SLMAP: variants seen among roughly 807,000 people sequenced by gnomAD.
SLMAP encodes sarcolemmal membrane-associated protein.
SLMAP carries 44 observed loss-of-function variants against 128.8 expected under a neutral mutation model. The ratio of observed to expected loss-of-function variants is 0.34; its 90% CI spans 0.27 to 0.44. SLMAP has a LOEUF of 0.44. SLMAP is among the 20% of genes least tolerant of loss of function. The probability of loss-of-function intolerance (pLI) is 1.00; values close to 1 mark genes in which losing one functional copy is unlikely to be tolerated. For missense variants in SLMAP, 787 were observed against 985.3 expected (o/e 0.80, Z 2.69); for synonymous variants, 327 against 348.8 (o/e 0.94, Z 0.70).
intron 15 of SLMAP, among the ~76,000 whole-genome samples, chr3:57,893,536 T>A (rs989501699): frequency 6.6e-6 from 1 of 152,202 alleles, no homozygotes; most frequent in Non-Finnish European, 1.5e-5. Flanking sequence ...TAAGGCAACT[T>A]TACCTTCCCA....
chr3:57,872,415 T>G (rs916388626), intron 14 of SLMAP, among the ~76,000 whole-genome samples: 1 of 152,162 alleles, frequency 6.6e-6, no homozygotes, highest in South Asian at 2.1e-4. Context: ...GGTCAGGAGT[T>G]TGAGACCAGC....
At chr3:57,760,771 A>C (rs2078465891) in intron 2 of SLMAP, among the ~76,000 whole-genome samples, 1 of 151,210 alleles carries the variant, frequency 6.6e-6, no homozygotes, top group African/African-American at 2.4e-5. Flanking sequence ...CTTGTTGCCC[A>C]GGCTGGAGTG....
Position 57,927,443 on chromosome 3 carries a change from A to T in SLMAP, c.*154A>T. 1 of 1,080,310 alleles carries T rather than the reference A, an allele frequency of 9.3e-7. No individual in the cohort carries two copies. Among genetic ancestry groups the T allele is most frequent in the Admixed American group, 2.0e-5 (1 of 50,202 alleles). 66.9% of individuals were successfully genotyped at this position (1,080,310 alleles called of 1,614,324 possible). A position where few individuals can be genotyped will look rare whatever the true frequency, so the allele number is the denominator to read the frequency against. ...CCCTCTAGAAGCTGGCATCACACTC[A>T]TGCTGGGGACAAACAGAACCATTTT... is the stretch of plus-strand genomic sequence containing the variant. On this transcript the variant is annotated 3_prime_UTR_variant, in exon 25 of 25. Coordinates refer to ENST00000671191, the MANE Select transcript of SLMAP (RefSeq NM_001377540.1).
chr3:57,860,850 C>A lies in SLMAP; in HGVS notation c.828+11C>A, dbSNP rs2306056. 280,622 of 1,447,716 alleles carry A rather than the reference C, an allele frequency of 0.19. 19,773 individuals carry two copies. Among genetic ancestry groups the A allele is most frequent in the East Asian group, 0.38 (15,571 of 40,478 alleles). 89.7% of individuals were successfully genotyped at this position (1,447,716 alleles called of 1,614,324 possible). ...CTTTCAGAAGTTGAGGTATTTCAAT[C>A]AAAAAAAAAATACTAAATAGTATTA... On this transcript the variant is annotated intron_variant, in intron 9 of 24. Transcript: ENST00000671191.
intron 2 of SLMAP, among the ~76,000 whole-genome samples, chr3:57,773,404 GT>G (rs2081260457): frequency 6.6e-6 from 1 of 152,154 alleles, no homozygotes; most frequent in African/African-American, 2.4e-5. Context: ...TTAGCCTATG[GT>G]AAAATTGGTA....
chr3:57,872,196 G>C (rs544083245), intron 14 of SLMAP, among the ~76,000 whole-genome samples: 188 of 152,308 alleles, frequency 1.2e-3, no homozygotes, highest in African/African-American at 4.4e-3. Flanking sequence ...CAGCTACGTG[G>C]GAGGCTGAGG....
chr3:57,783,812 G>T (rs973461091), intron 2 of SLMAP, among the ~76,000 whole-genome samples: 1 of 152,176 alleles, frequency 6.6e-6, no homozygotes, highest in African/African-American at 2.4e-5. Flanking sequence ...CCTCTAGGAA[G>T]ACAGAACAAT....
intron 2 of SLMAP, among the ~76,000 whole-genome samples, chr3:57,827,510 G>T (rs1433085382): frequency 6.6e-6 from 1 of 152,208 alleles, no homozygotes; most frequent in Non-Finnish European, 1.5e-5. Context: ...ATGCCTGATT[G>T]TTGGGAACTT....
intron 14 of SLMAP, among the ~76,000 whole-genome samples, chr3:57,881,301 A>G (rs1417506061): frequency 6.6e-6 from 1 of 152,152 alleles, no homozygotes; most frequent in Non-Finnish European, 1.5e-5. Flanking sequence ...TCATGACAGG[A>G]AAATTCTTTC....
chr3:57,907,010 A>C (rs1484704210), intron 17 of SLMAP, among the ~76,000 whole-genome samples: 1 of 151,562 alleles, frequency 6.6e-6, no homozygotes, highest in Non-Finnish European at 1.5e-5. Flanking sequence ...TATTCAGCAG[A>C]TTTTTGTTGT....
At chr3:57,801,974 T>C (rs994238658) in intron 2 of SLMAP, among the ~76,000 whole-genome samples, 1 of 152,206 alleles carries the variant, frequency 6.6e-6, no homozygotes, top group Non-Finnish European at 1.5e-5. Flanking sequence ...TTTTTATATT[T>C]CAAGGTTATT....
intron 3 of SLMAP, among the ~76,000 whole-genome samples, chr3:57,836,301 T>C (rs566523266): frequency 6.6e-6 from 1 of 152,212 alleles, no homozygotes; most frequent in South Asian, 2.1e-4. Context: ...AATCACCCAG[T>C]ATGTAGGACA....
rs75576687 is a variant in SLMAP at position 57,788,612 on chromosome 3, G to A, written c.198+30763G>A. 1.8e-3 allele frequency among the ~76,000 whole-genome samples: 274 copies of A among 152,308 alleles called. 4 individuals carry two copies. In the East Asian group the frequency reaches 0.049, roughly 27 times the overall value. ...TGAACAGCTGGCAGGGAAAAAAGAA[G>A]GCAGACTTAAAAGACCATCCAGAGA... is the stretch of plus-strand genomic sequence containing the variant. On this transcript the variant is annotated intron_variant, in intron 2 of 24. Coordinates refer to ENST00000671191, the MANE Select transcript of SLMAP (RefSeq NM_001377540.1).
chr3:57,763,431 C>T (rs1316620462), intron 2 of SLMAP, among the ~76,000 whole-genome samples: 3 of 151,974 alleles, frequency 2.0e-5, no homozygotes, highest in Admixed American at 6.6e-5. Flanking sequence ...CACACTACCA[C>T]GCCCAGCTAC....
intron 13 of SLMAP, among the ~76,000 whole-genome samples, chr3:57,870,464 A>G (rs1289432342): frequency 6.6e-6 from 1 of 152,144 alleles, no homozygotes; most frequent in Non-Finnish European, 1.5e-5. Flanking sequence ...TCCAAAACAC[A>G]AGTTTTATCA....
intron 17 of SLMAP, chr3:57,902,159 T>A (rs1559498817): frequency 6.6e-6 from 1 of 152,224 alleles, no homozygotes; most frequent in Non-Finnish European, 1.5e-5. Flanking sequence ...TGACTGAATA[T>A]CAAACAATTA....
chr3:57,887,858 G>A (rs2095940754), intron 14 of SLMAP, among the ~76,000 whole-genome samples: 2 of 152,164 alleles, frequency 1.3e-5, no homozygotes, highest in African/African-American at 4.8e-5. Context: ...CCTACTATGT[G>A]TACTGAGGAA....
At chr3:57,758,650 T>C (rs1415567564) in intron 2 of SLMAP, among the ~76,000 whole-genome samples, 1 of 152,262 alleles carries the variant, frequency 6.6e-6, no homozygotes, top group Non-Finnish European at 1.5e-5. Context: ...ATGAATTCAG[T>C]GCTTTTCATT....
intron 2 of SLMAP, among the ~76,000 whole-genome samples, chr3:57,819,754 T>A (rs1242011314): frequency 6.6e-6 from 1 of 152,100 alleles, no homozygotes; most frequent in Non-Finnish European, 1.5e-5. Context: ...AAGGTGTTGT[T>A]TTTGTTGTTG....
Sources: allele counts gnomAD v4.1 joint callset (sites outside exome capture counted in the v4.1 genomes callset), GRCh38; gene constraint gnomAD v4.1.1; transcripts MANE v1.5; gene names NCBI Gene and HGNC (gene_info 2026-07-23, HGNC 2026-07-21).